The following SHTN1 variants were observed in gnomAD, a reference collection of about 807,000 sequenced individuals.
The protein encoded by SHTN1 is shootin-1.
Under a neutral mutation model 83.1 loss-of-function variants are expected in SHTN1, and 42 were observed. The observed-to-expected ratio is 0.51, with a 90% confidence interval of 0.39 to 0.65. The LOEUF (loss-of-function observed/expected upper bound fraction) is 0.65, where lower values mean the gene tolerates loss of function less well. SHTN1 is among the 30% of genes least tolerant of loss of function. SHTN1 has a pLI of 0.00. For synonymous variants in SHTN1, 224 were observed against 247.7 expected (o/e 0.90, Z 0.90); for missense variants, 622 against 737.8 (o/e 0.84, Z 1.82).
intron 1 of SHTN1, among the ~76,000 whole-genome samples, chr10:117,098,247 A>G (rs1052213089): frequency 8.9e-6 from 1 of 112,862 alleles, no homozygotes; most frequent in African/African-American, 3.0e-5. Context: ...AAAAAAAAAA[A>G]TTAGCCAGAC....
intron 3 of SHTN1, among the ~76,000 whole-genome samples, chr10:116,960,782 G>A (rs976433751): frequency 2.0e-5 from 3 of 152,108 alleles, no homozygotes; most frequent in Admixed American, 6.5e-5. Context: ...TAACTCTCAG[G>A]CAGAAAAGTA....
At chr10:117,027,716 T>C (rs1299223157) in intron 2 of SHTN1, among the ~76,000 whole-genome samples, 1 of 152,178 alleles carries the variant, frequency 6.6e-6, no homozygotes, top group African/African-American at 2.4e-5. Flanking sequence ...GCCAGGATGG[T>C]CTCGATCTCC....
chr10:116,903,359 C>G (rs913782623), intron 15 of SHTN1, among the ~76,000 whole-genome samples: 3 of 152,032 alleles, frequency 2.0e-5, no homozygotes, highest in East Asian at 1.9e-4. Context: ...ATGGTGAAAC[C>G]CTGTCTCTAC....
intron 16 of SHTN1, among the ~76,000 whole-genome samples, chr10:116,896,703 G>T (rs1294818368): frequency 6.6e-6 from 1 of 152,016 alleles, no homozygotes; most frequent in East Asian, 1.9e-4. Flanking sequence ...CCAGCAGAGC[G>T]GCTCCGAAGC....
Position 117,125,853 on chromosome 10 carries a change from C to T in SHTN1, c.-189+454G>A, listed in dbSNP as rs117592260. Among the ~76,000 whole-genome samples, 782 of 152,274 alleles carry T rather than the reference C, an allele frequency of 5.1e-3. 5 individuals are homozygous for T. The highest frequency in any genetic ancestry group is 0.01 in the Middle Eastern group (3 of 294). On this transcript the variant is annotated intron_variant, in intron 1 of 17. Coordinates refer to the SHTN1 transcript ENST00000392901. The stretch of plus-strand genomic sequence containing the variant: ...AACTGAATTTGCCTTTAGCTCTTCC[C>T]GGGAAGGGACTAAGCCAGACCCTCA...
chr10:116,899,585 CTG>C (rs1312270391), intron 16 of SHTN1, among the ~76,000 whole-genome samples: 22 of 148,432 alleles, frequency 1.5e-4, no homozygotes, highest in African/African-American at 4.5e-4. Context: ...ACAGTAATGT[CTG>C]TATTTAGAGC....
At chr10:116,913,225 G>A (rs1848269219) in intron 13 of SHTN1, among the ~76,000 whole-genome samples, 1 of 152,208 alleles carries the variant, frequency 6.6e-6, no homozygotes, top group African/African-American at 2.4e-5. Context: ...ATGCCACTCA[G>A]GCTGCCCTCT....
chr10:117,105,370 G>A (rs2133633816), intron 1 of SHTN1, among the ~76,000 whole-genome samples: 1 of 152,174 alleles, frequency 6.6e-6, no homozygotes, highest in South Asian at 2.1e-4. Context: ...TATAAAAAAG[G>A]CTTTTACTGA....
At chr10:117,009,900 C>CA (rs574917639), upstream of SHTN1, among the ~76,000 whole-genome samples, 25 of 145,744 alleles carry the variant, frequency 1.7e-4, no homozygotes, top group Middle Eastern at 3.5e-3. Flanking sequence ...GAGACTGTCT[C>CA]AAAAAAAAGG....
intron 4 of SHTN1, among the ~76,000 whole-genome samples, chr10:116,955,778 T>C (rs1023095527): frequency 1.3e-5 from 2 of 152,300 alleles, no homozygotes; most frequent in Admixed American, 1.3e-4. Flanking sequence ...AACTCTTCCA[T>C]GGATTCTTCC....
chr10:117,033,588 T>C (rs1323110644), intron 2 of SHTN1, among the ~76,000 whole-genome samples: 1 of 152,122 alleles, frequency 6.6e-6, no homozygotes, highest in Admixed American at 6.5e-5. Flanking sequence ...CACTGCTGAA[T>C]TCTACAAAAC....
At chr10:117,063,378 G>A (rs909748704) in intron 1 of SHTN1, among the ~76,000 whole-genome samples, 9 of 152,116 alleles carry the variant, frequency 5.9e-5, no homozygotes, top group African/African-American at 1.2e-4. Flanking sequence ...GTTTCACCAC[G>A]TGCTCCAAGA....
intron 9 of SHTN1, among the ~76,000 whole-genome samples, chr10:116,934,731 T>C (rs888528118): frequency 3.3e-5 from 5 of 152,192 alleles, no homozygotes; most frequent in Admixed American, 1.3e-4. Context: ...TTGATAGGGA[T>C]AGCATTGAAT....
intron 13 of SHTN1, among the ~76,000 whole-genome samples, chr10:116,913,050 GCACCACCAC>G (rs569433136): frequency 2.6e-5 from 4 of 151,556 alleles, no homozygotes; most frequent in Non-Finnish European, 4.4e-5. Flanking sequence ...AACCACACTA[GCACCACCAC>G]CACCACCACC....
intron 1 of SHTN1, among the ~76,000 whole-genome samples, chr10:116,998,488 TTATTA>T (rs1184110620): frequency 3.3e-5 from 5 of 152,242 alleles, no homozygotes; most frequent in African/African-American, 9.6e-5. Context: ...TTGTTCTATT[TTATTA>T]TGAGTTTTTA....
chr10:116,966,114 C>G (rs1279082205), intron 3 of SHTN1, among the ~76,000 whole-genome samples: 1 of 152,118 alleles, frequency 6.6e-6, no homozygotes, highest in African/African-American at 2.4e-5. Flanking sequence ...TCAAGTGATT[C>G]TCCTGCCTCA....
chr10:116,893,654 A>G (rs148693062), intron 16 of SHTN1, among the ~76,000 whole-genome samples: 1 of 148,858 alleles, frequency 6.7e-6, no homozygotes, highest in Non-Finnish European at 1.5e-5. Context: ...GGGAGTATCT[A>G]TCAGGAACAA....
rs563829986 is a variant in SHTN1 at position 116,881,733 on chromosome 10, C to T, written c.*4611G>A. ...TTAGTAGACCGGGAGGTCTGAAGTACGGCGCCGTGTCTCCACATGGAGTTT... is the reference window on the plus strand; with the variant it reads ...TTAGTAGACCGGGAGGTCTGAAGTATGGCGCCGTGTCTCCACATGGAGTTT... On this transcript the variant is annotated 3_prime_UTR_variant, in exon 17 of 17. Coordinates refer to ENST00000355371, the MANE Select transcript of SHTN1 (RefSeq NM_001127211.3). The T allele has an allele frequency of 2.3e-5, 28 of 1,242,712 alleles. No individual in the cohort carries two copies. The East Asian group carries it at 3.7e-4, about 16-fold the overall frequency. 77.0% of individuals were successfully genotyped at this position (1,242,712 alleles called of 1,614,324 possible).
chr10:116,923,104 G>A (rs774958358), intron 11 of SHTN1, among the ~76,000 whole-genome samples: 8 of 152,106 alleles, frequency 5.3e-5, no homozygotes, highest in Non-Finnish European at 8.8e-5. Context: ...TATTAGGCAA[G>A]AAAATTTTTC....
Sources: gnomAD v4.1 joint callset for allele counts (sites outside exome capture counted in the v4.1 genomes callset) on GRCh38, gnomAD v4.1.1 for gene constraint, MANE v1.5 for transcripts, NCBI Gene and HGNC (gene_info 2026-07-23, HGNC 2026-07-21) for gene names.